Variants in ELP3 observed in about 807,000 individuals in gnomAD.
ELP3 encodes the protein elongator acetyltransferase complex subunit 3.
In ELP3, 56 loss-of-function variants were observed where a neutral mutation model predicts 74.9. That is an observed-to-expected ratio of 0.75 (90% CI 0.60 to 0.93). ELP3 has a LOEUF of 0.93. ELP3 is among the 40% of genes least tolerant of loss of function. The probability of loss-of-function intolerance (pLI) is 0.00; values close to 1 mark genes in which losing one functional copy is unlikely to be tolerated. For synonymous variants in ELP3, 222 were observed against 239.8 expected (o/e 0.93, Z 0.68); for missense variants, 573 against 686.5 (o/e 0.83, Z 1.85).
upstream of ELP3, among the ~76,000 whole-genome samples, chr8:28,092,382 C>A (rs2130324621): frequency 6.6e-6 from 1 of 152,278 alleles, no homozygotes; most frequent in East Asian, 1.9e-4. Flanking sequence ...GCGTGCACCA[C>A]CACGCCTGGC....
intron 12 of ELP3, among the ~76,000 whole-genome samples, chr8:28,159,324 G>A (rs1389711157): frequency 3.9e-5 from 6 of 152,222 alleles, no homozygotes; most frequent in African/African-American, 1.4e-4. Context: ...GCATGAATCA[G>A]TTAATTGACA....
intron 11 of ELP3, among the ~76,000 whole-genome samples, chr8:28,156,564 A>G (rs1332846778): frequency 2.0e-5 from 3 of 152,138 alleles, no homozygotes; most frequent in Non-Finnish European, 4.4e-5. Context: ...CTCTGTGGGA[A>G]ATTCTTAAGT....
At chr8:28,093,006 T>C (rs1163415150), upstream of ELP3, 18 of 748,074 alleles carry the variant, frequency 2.4e-5, no homozygotes, top group East Asian at 3.2e-4. Flanking sequence ...GATCGCAGCC[T>C]AGGGGCCTCA....
In ELP3 at chr8:28,147,530, G is replaced by A. The variant is rs1272490095; in HGVS notation, c.1101-8412G>A. ...GGTGAAAGCTGAAAAGAACACCAAC[G>A]TACCATGTTAGTATTGGAATTATCA... On this transcript the variant is annotated intron_variant, in intron 10 of 14. Transcript: ENST00000256398. This position sits in a 1 kb window ranked among gnomAD's most constrained non-coding sequence, Gnocchi z 4.5. Among the ~76,000 whole-genome samples the A allele has an allele frequency of 6.6e-6, 1 of 152,106 alleles. No individual in the cohort carries two copies. Among genetic ancestry groups the A allele is most frequent in the African/African-American group, 2.4e-5 (1 of 41,396 alleles).
At chr8:28,180,983 T>C (rs2130608411) in intron 14 of ELP3, among the ~76,000 whole-genome samples, 1 of 152,274 alleles carries the variant, frequency 6.6e-6, no homozygotes, top group South Asian at 2.1e-4. Context: ...TTATGACTGC[T>C]TCTCTGCTTC....
Position 28,190,516 on chromosome 8 carries a change from G to A in ELP3, c.*791G>A, listed in dbSNP as rs1315069947. The A allele has an allele frequency of 2.6e-5, 4 of 152,136 alleles. No homozygotes were observed. Among genetic ancestry groups the A allele is most frequent in the African/African-American group, 7.2e-5 (3 of 41,408 alleles). The allele number at this position is 152,136 out of a possible 1,614,324, so 9.4% of individuals were successfully genotyped here. ...TGTCTGTCTATCCTGAGCGGGTGGA[G>A]TCTCAGGTTGTGTGCCCCTAAATCA... On this transcript the variant is annotated 3_prime_UTR_variant, in exon 15 of 15. Transcript: ENST00000256398.
chr8:28,106,539 CAAAAAAA>C (rs61714722), intron 3 of ELP3, among the ~76,000 whole-genome samples, 167 bp from the exon 4 acceptor site: 3,219 of 112,222 alleles, frequency 0.029, 83 homozygotes, highest in African/African-American at 0.091. Context: ...GACTCCGTCT[CAAAAAAA>C]AAAAAAAAAA....
intron 14 of ELP3, among the ~76,000 whole-genome samples, chr8:28,163,920 C>T (rs1306737764): frequency 2.6e-5 from 4 of 152,216 alleles, no homozygotes; most frequent in African/African-American, 9.7e-5. Flanking sequence ...ATGCTGTCTT[C>T]AGACCACACT....
Position 28,160,430 on chromosome 8 carries a change from C to G in ELP3, c.1459C>G (p.Arg487Gly), listed in dbSNP as rs139093061. ...VYGSVVPVSS[R>G]DPTKFQHQGF... ...TGGGAGTGTGGTCCCTGTGAGCAGC[C>G]GGGATCCTACTAAATTTCAGCATCA... is the stretch of plus-strand genomic sequence containing the variant. Residue 487 changes from arginine to glycine, a missense_variant, in exon 13 of 15, where the codon CGG becomes GGG. Arg to Gly is a moderately radical substitution (Grantham distance 125). Transcript: ENST00000256398. 6.2e-7 allele frequency: 1 copy of G among 1,613,858 alleles called. No individual in the cohort carries two copies. The highest frequency in any genetic ancestry group is 2.2e-5 in the East Asian group (1 of 44,858).
chr8:28,176,354 C>T (rs780480867), intron 14 of ELP3, among the ~76,000 whole-genome samples: 4 of 152,202 alleles, frequency 2.6e-5, no homozygotes, highest in Non-Finnish European at 5.9e-5. Context: ...ACTGGTCCTT[C>T]CAGGAACCTC....
rs1811410548 is a variant in ELP3, at chr8:28,099,982, C to T, written c.258+16C>T. 2.5e-6 allele frequency: 4 copies of T among 1,614,036 alleles called. No individual in the cohort carries two copies. The highest frequency in any genetic ancestry group is 3.4e-6 in the Non-Finnish European group (4 of 1,179,984). ...TGCTAGTGGGGTGAGTGATTCGACT[C>T]ATGAGGTATCGACACACTGGGTATC... On this transcript the variant is annotated intron_variant, in intron 3 of 14. Coordinates refer to ENST00000256398, the MANE Select transcript of ELP3 (RefSeq NM_018091.6).
chr8:28,137,631 T>G, intron 9 of ELP3, 67 bp from the exon 10 acceptor site: 13 of 1,519,580 alleles, frequency 8.6e-6, no homozygotes, highest in South Asian at 1.2e-5. Flanking sequence ...TGTCAGGGGT[T>G]GAGATTTCAC....
intron 12 of ELP3, 94 bp downstream of exon 12, chr8:28,158,727 G>A: frequency 1.0e-6 from 1 of 974,436 alleles, no homozygotes; most frequent in East Asian, 2.4e-5. Context: ...CAGAGCCCCA[G>A]GAGTGAATAA....
intron 14 of ELP3, among the ~76,000 whole-genome samples, chr8:28,187,943 G>A (rs930065790): frequency 3.9e-5 from 6 of 152,180 alleles, no homozygotes; most frequent in African/African-American, 1.4e-4. Flanking sequence ...CAGGAAGCGC[G>A]TGCACAGAAG....
intron 11 of ELP3, 67 bp from the exon 12 acceptor site, chr8:28,158,500 TG>T (rs1813931409): frequency 1.9e-6 from 2 of 1,052,732 alleles, no homozygotes; most frequent in African/African-American, 3.1e-5. Flanking sequence ...AAGATTGAAT[TG>T]GTTACCAGTT....
chr8:28,093,504 C>T (rs1156469285), intron 1 of ELP3: 4 of 547,624 alleles, frequency 7.3e-6, no homozygotes, highest in East Asian at 3.2e-5. Flanking sequence ...AATATATGCC[C>T]TCCGAGGAGT....
chr8:28,189,636 G>A lies in ELP3; in HGVS notation c.1568-13G>A, dbSNP rs766765091. The A allele has an allele frequency of 9.9e-6, 16 of 1,613,686 alleles. No homozygotes were observed. The highest frequency in any genetic ancestry group is 3.3e-5 in the Admixed American group (2 of 59,972). On this transcript the variant is annotated splice_polypyrimidine_tract_variant and intron_variant, in intron 14 of 14. Transcript: ENST00000256398. ...AAGTGAATGCTCCTTTTTTAACTTC[G>A]ATTTTTCTGCAGGGGTCGGCACCAG...
At chr8:28,146,562 A>G (rs1476828303) in intron 10 of ELP3, among the ~76,000 whole-genome samples, 1 of 152,238 alleles carries the variant, frequency 6.6e-6, no homozygotes, top group Non-Finnish European at 1.5e-5. Flanking sequence ...AAACGTAAAA[A>G]TAATTTTAAC....
chr8:28,119,569 GTT>G (rs1812272771), intron 7 of ELP3, among the ~76,000 whole-genome samples: 1 of 80,954 alleles, frequency 1.2e-5, no homozygotes, highest in Admixed American at 1.7e-4. Context: ...AACTTGTGGC[GTT>G]TTATATATAT....
Sources: allele counts gnomAD v4.1 joint callset (sites outside exome capture counted in the v4.1 genomes callset), GRCh38; gene constraint gnomAD v4.1.1; non-coding constraint Gnocchi (gnomAD v3.1); transcripts MANE v1.5; gene names NCBI Gene and HGNC (gene_info 2026-07-23, HGNC 2026-07-21).